Variants in FBN1 observed in about 807,000 individuals in gnomAD.
The protein encoded by FBN1 is fibrillin 1.
FBN1 carries 29 observed loss-of-function variants against 365.1 expected under a neutral mutation model. That is an observed-to-expected ratio of 0.08 (90% CI 0.06 to 0.11). FBN1 has a LOEUF of 0.11. Among genes scored for constraint, FBN1 ranks in the 10% least tolerant of loss-of-function variants. The probability of loss-of-function intolerance (pLI) is 1.00; values close to 1 mark genes in which losing one functional copy is unlikely to be tolerated. For missense variants in FBN1, 2,476 were observed against 3,703.2 expected, an observed-to-expected ratio of 0.67 and a Z score of 8.60; for synonymous variants, 1,210 against 1,270.5, an observed-to-expected ratio of 0.95 and a Z score of 1.01.
At chr15:48,564,207 T>G (rs748339073) in intron 6 of FBN1, among the ~76,000 whole-genome samples, 28 of 152,198 alleles carry the variant, frequency 1.8e-4, no homozygotes, top group Non-Finnish European at 3.5e-4. Context: ...AGCTGAACTT[T>G]GCTCACCCAT....
chr15:48,510,230 T>C, intron 13 of FBN1, 61 bp from the exon 14 acceptor site: 1 of 1,550,380 alleles, frequency 6.5e-7, no homozygotes, highest in Non-Finnish European at 8.9e-7. Flanking sequence ...ATTATTTTAT[T>C]TCCCCCTCCC....
chr15:48,540,889 G>C (rs1400220664), intron 6 of FBN1, among the ~76,000 whole-genome samples: 3 of 152,048 alleles, frequency 2.0e-5, no homozygotes, highest in Non-Finnish European at 4.4e-5. Context: ...CTTCAACACT[G>C]TTGGGATTTG....
At chr15:48,532,434 A>G (rs2043980447) in intron 8 of FBN1, among the ~76,000 whole-genome samples, 1 of 152,072 alleles carries the variant, frequency 6.6e-6, no homozygotes, top group South Asian at 2.1e-4. Context: ...GTGTGTGTAT[A>G]TAGATATATG....
At chr15:48,601,191 C>T (rs1285734960) in intron 4 of FBN1, among the ~76,000 whole-genome samples, 1 of 152,186 alleles carries the variant, frequency 6.6e-6, no homozygotes, top group South Asian at 2.1e-4. Flanking sequence ...CAATGAGACA[C>T]TCAGAGAAGC....
intron 3 of FBN1, 116 bp from the exon 4 acceptor site, chr15:48,610,942 A>G: frequency 1.3e-6 from 1 of 753,334 alleles, no homozygotes; most frequent in Non-Finnish European, 2.4e-6. Flanking sequence ...CTTTGCTATC[A>G]TGACTTATAT....
chr15:48,523,710 TGGG>T (rs537924722), intron 9 of FBN1, among the ~76,000 whole-genome samples: 17,427 of 81,770 alleles, frequency 0.21, 1,457 homozygotes, highest in South Asian at 0.25. Context: ...CAAGGGTGGC[TGGG>T]GGGGGGGGGG....
intron 63 of FBN1, among the ~76,000 whole-genome samples, chr15:48,417,975 C>A (rs1279598955): frequency 6.6e-6 from 1 of 152,178 alleles, no homozygotes; most frequent in Non-Finnish European, 1.5e-5. Context: ...CTTGCTGGGA[C>A]CCTGACTAAT....
chr15:48,429,661 C>A lies in FBN1; in HGVS notation c.6871+1010G>T, dbSNP rs545948067. Reference sequence around the variant, plus strand: ...TGGACTTGAGCTCCCCAAATGATTCCAAAGTGCAGCAGAGGTTGAGAATTA... The same window carrying A: ...TGGACTTGAGCTCCCCAAATGATTCAAAAGTGCAGCAGAGGTTGAGAATTA... On this transcript the variant is annotated intron_variant, in intron 56 of 65. Coordinates refer to ENST00000316623, the MANE Select transcript of FBN1 (RefSeq NM_000138.5). 4.6e-5 allele frequency among the ~76,000 whole-genome samples: 7 copies of A among 152,288 alleles called. No homozygotes were observed. The South Asian group carries it at 1.5e-3, about 32-fold the overall frequency.
chr15:48,448,911 CTT>C lies in FBN1; in HGVS notation c.5546-20_5546-19del. On this transcript the variant is annotated intron_variant, in intron 45 of 65. Transcript: ENST00000316623. ...ATTACGATCTGTAAATAAGAAGCAT[CTT>C]AAGTGAGAACTTAGAAGACAAAATA... 1 of 1,604,780 alleles carries C rather than the reference CTT, an allele frequency of 6.2e-7. No homozygotes were observed. The highest frequency in any genetic ancestry group is 8.5e-7 in the Non-Finnish European group (1 of 1,172,492).
intron 12 of FBN1, among the ~76,000 whole-genome samples, chr15:48,513,895 A>C (rs925743109): frequency 6.6e-5 from 10 of 152,230 alleles, no homozygotes; most frequent in Non-Finnish European, 1.5e-4. Flanking sequence ...GAAAAATTCC[A>C]AACATGTAGC....
rs753203216 is a variant in FBN1 at position 48,415,619 on chromosome 15, C to T, written c.7968G>A (p.Gln2656=). ...TGGAACAGCCATAGCTGCAGGGGGCCTGCGCAGAGCCACATTCATTGATGT... is the reference window on the plus strand; with the variant it reads ...TGGAACAGCCATAGCTGCAGGGGGCTTGCGCAGAGCCACATTCATTGATGT... ...CQDINECGSA[Q]APCSYGCSNT... Residue 2656 remains glutamine (Q), a synonymous_variant, in exon 64 of 66, where the codon CAG becomes CAA. Transcript: ENST00000316623. The T allele has an allele frequency of 1.9e-6, 3 of 1,614,240 alleles. No homozygotes were observed. The highest frequency in any genetic ancestry group is 2.5e-6 in the Non-Finnish European group (3 of 1,180,038).
rs764638219 is a variant in FBN1 at position 48,441,790 on chromosome 15, T to A, written c.6094A>T (p.Thr2032Ser). 1 of 1,613,660 alleles carries A rather than the reference T, an allele frequency of 6.2e-7. No homozygotes were observed. The highest frequency in any genetic ancestry group is 1.1e-5 in the South Asian group (1 of 91,086). ...EICALGTCSN[T>S]EGSFKCLCPE... ...CACAGACATTTGAAGCTGCCTTCAG[T>A]GTTACTGCATGTGCCCAGGGCACAA... Residue 2032 changes from threonine (T) to serine (S), a missense_variant, in exon 50 of 66, where the codon ACT (threonine) becomes TCT (serine). Around this residue, in one of 5 missense-constraint regions of FBN1, gnomAD observed 1,780 missense variants for 2,840.8 expected, o/e 0.63. Transcript: ENST00000316623.
chr15:48,417,335 A>ACCTG (rs148536878), intron 63 of FBN1, among the ~76,000 whole-genome samples: 5 of 151,336 alleles, frequency 3.3e-5, no homozygotes, highest in African/African-American at 4.9e-5. Context: ...CACATTTCCT[A>ACCTG]CCTGCCTGCC....
At chr15:48,567,276 G>C (rs2044264503) in intron 6 of FBN1, among the ~76,000 whole-genome samples, 1 of 152,040 alleles carries the variant, frequency 6.6e-6, no homozygotes, top group Non-Finnish European at 1.5e-5. Flanking sequence ...GCTTTTATTT[G>C]TATATTTTTG....
At chr15:48,441,390 G>A (rs1291517628) in intron 50 of FBN1, among the ~76,000 whole-genome samples, 1 of 152,112 alleles carries the variant, frequency 6.6e-6, no homozygotes, top group African/African-American at 2.4e-5. Context: ...TCAGAGGTAG[G>A]GGATATGTAG....
intron 56 of FBN1, among the ~76,000 whole-genome samples, chr15:48,429,529 A>G (rs2043009505): frequency 6.6e-6 from 1 of 152,208 alleles, no homozygotes. Flanking sequence ...CTCACTAGGA[A>G]AGAGAGAAAG....
At chr15:48,522,616 T>C (rs1449925111) in intron 9 of FBN1, among the ~76,000 whole-genome samples, 1 of 152,324 alleles carries the variant, frequency 6.6e-6, no homozygotes, top group East Asian at 1.9e-4. Context: ...CCTGTAATTG[T>C]TATCATCTAC....
chr15:48,452,732 C>G (rs1459702478), intron 44 of FBN1, 48 bp from the exon 45 acceptor site: 1 of 1,609,182 alleles, frequency 6.2e-7, no homozygotes, highest in Non-Finnish European at 8.5e-7. Context: ...AATCTGGTGT[C>G]CAGTCAACAA....
chr15:48,611,503 G>A (rs1438056935), intron 3 of FBN1, among the ~76,000 whole-genome samples: 1 of 152,090 alleles, frequency 6.6e-6, no homozygotes, highest in African/African-American at 2.4e-5. Flanking sequence ...CTTGTGATCC[G>A]CCTGCCTCGG....
Sources: allele counts gnomAD v4.1 joint callset (sites outside exome capture counted in the v4.1 genomes callset), GRCh38; gene constraint gnomAD v4.1.1; regional missense constraint gnomAD v4.1.1; transcripts MANE v1.5; gene names NCBI Gene and HGNC (gene_info 2026-07-23, HGNC 2026-07-21).